The following CHRM2 variants were observed in gnomAD, a reference collection of about 807,000 sequenced individuals.
CHRM2 encodes the protein cholinergic receptor muscarinic 2, also known as muscarinic acetylcholine receptor M2.
In CHRM2, 8 loss-of-function variants were observed where a neutral mutation model predicts 25.0. The ratio of observed to expected loss-of-function variants is 0.32; its 90% confidence interval spans 0.19 to 0.58. CHRM2 has a LOEUF of 0.58. Among genes scored for constraint, CHRM2 ranks in the 20% least tolerant of loss-of-function variants. CHRM2 has a pLI of 0.88. For missense variants in CHRM2, 440 were observed against 567.1 expected, an observed-to-expected ratio of 0.78 and a Z score of 2.28; for synonymous variants, 202 against 205.7, an observed-to-expected ratio of 0.98 and a Z score of 0.15.
At chr7:136,964,494 T>C (rs1244384624) in intron 2 of CHRM2, among the ~76,000 whole-genome samples, 1 of 152,196 alleles carries the variant, frequency 6.6e-6, no homozygotes, top group East Asian at 1.9e-4. Flanking sequence ...ATTTCTCAAT[T>C]GCCTGCCTGC....
At chr7:136,916,423 C>A (rs1023796539) in intron 2 of CHRM2, among the ~76,000 whole-genome samples, 2 of 151,722 alleles carry the variant, frequency 1.3e-5, no homozygotes, top group East Asian at 1.9e-4. Flanking sequence ...TAAAGAATAT[C>A]ATTTTATCTA....
intron 2 of CHRM2, among the ~76,000 whole-genome samples, chr7:136,927,418 G>A (rs186917328): frequency 6.6e-6 from 1 of 152,062 alleles, no homozygotes; most frequent in South Asian, 2.1e-4. Context: ...GGGTGTGTGT[G>A]TGTATGTGTG....
At chr7:136,990,481 T>C (rs1803149898) in intron 2 of CHRM2, among the ~76,000 whole-genome samples, 1 of 152,168 alleles carries the variant, frequency 6.6e-6, no homozygotes, top group South Asian at 2.1e-4. Context: ...TATGCGGTCT[T>C]TTCATATTGC....
At chr7:136,894,479 C>T (rs1354781632) in intron 2 of CHRM2, among the ~76,000 whole-genome samples, 3 of 152,066 alleles carry the variant, frequency 2.0e-5, no homozygotes, top group African/African-American at 7.2e-5. Context: ...TCAAGCAATT[C>T]TCCTGCCTCA....
intron 2 of CHRM2, among the ~76,000 whole-genome samples, chr7:136,885,195 C>T (rs1263179063): frequency 2.6e-5 from 4 of 152,114 alleles, no homozygotes; most frequent in Non-Finnish European, 5.9e-5. Flanking sequence ...GTTTATCATC[C>T]CTCCTTAGCA....
At chr7:136,887,094 C>CT (rs1019039869) in intron 2 of CHRM2, among the ~76,000 whole-genome samples, 2 of 152,066 alleles carry the variant, frequency 1.3e-5, no homozygotes, top group Non-Finnish European at 2.9e-5. Flanking sequence ...TGTATTCAGG[C>CT]TTTTTATGAG....
At chr7:136,880,826 T>C (rs984033875) in intron 2 of CHRM2, among the ~76,000 whole-genome samples, 11 of 151,930 alleles carry the variant, frequency 7.2e-5, no homozygotes, top group African/African-American at 2.4e-4. Context: ...TACATTAGGG[T>C]TCCTGCTTGG....
chr7:136,997,563 T>C (rs566408902), intron 3 of CHRM2, among the ~76,000 whole-genome samples: 5 of 152,300 alleles, frequency 3.3e-5, no homozygotes, highest in Non-Finnish European at 7.4e-5. Context: ...ATCAATCTCA[T>C]GTGTTTTTTA....
chr7:136,887,286 C>T (rs1443230151), intron 2 of CHRM2, among the ~76,000 whole-genome samples: 1 of 151,918 alleles, frequency 6.6e-6, no homozygotes, highest in Non-Finnish European at 1.5e-5. Context: ...CTTAAAAAAC[C>T]TTTACAATTT....
At chr7:137,006,181 A>C (rs1423890720) in intron 3 of CHRM2, among the ~76,000 whole-genome samples, 1 of 152,134 alleles carries the variant, frequency 6.6e-6, no homozygotes, top group Admixed American at 6.6e-5. Context: ...GTCCTCTCTC[A>C]GATGGAATTT....
intron 2 of CHRM2, among the ~76,000 whole-genome samples, chr7:136,991,871 T>G (rs1327312057): frequency 6.6e-6 from 1 of 152,188 alleles, no homozygotes; most frequent in African/African-American, 2.4e-5. Context: ...CAATACTTAC[T>G]ATTATCACAC....
At chr7:136,924,065 G>T (rs1218648584) in intron 2 of CHRM2, among the ~76,000 whole-genome samples, 2 of 151,942 alleles carry the variant, frequency 1.3e-5, no homozygotes, top group African/African-American at 4.8e-5. Flanking sequence ...GAGATAAACT[G>T]CACTTTTAAA....
chr7:136,989,884 A>C (rs990794848), intron 2 of CHRM2, among the ~76,000 whole-genome samples: 34 of 152,216 alleles, frequency 2.2e-4, no homozygotes, highest in African/African-American at 8.2e-4. Context: ...GAGTTTCTTA[A>C]GCAGAGCGCA....
chr7:136,889,971 A>G (rs1039773746), intron 2 of CHRM2, among the ~76,000 whole-genome samples: 5 of 152,170 alleles, frequency 3.3e-5, no homozygotes, highest in African/African-American at 1.2e-4. Flanking sequence ...GGAGGAATAG[A>G]CTTCTCCCTG....
At chr7:136,962,741 G>A (rs983646043) in intron 2 of CHRM2, among the ~76,000 whole-genome samples, 13 of 152,104 alleles carry the variant, frequency 8.5e-5, no homozygotes, top group African/African-American at 2.7e-4. Flanking sequence ...AAGCAACAGC[G>A]TCCTTGTTAA....
rs956032747 is a variant in CHRM2 at position 137,006,570 on chromosome 7, T to C, written c.-46-8250T>C. Among the ~76,000 whole-genome samples, 6 of 152,220 alleles carry C rather than the reference T, an allele frequency of 3.9e-5. No homozygotes were observed. In the East Asian group the frequency reaches 1.2e-3, roughly 29 times the overall value. On this transcript the variant is annotated intron_variant, in intron 3 of 3. Coordinates refer to ENST00000680005, the MANE Select transcript of CHRM2 (RefSeq NM_001006630.2). ...ATCTTTTTTACATTGGAAAAAGTCATGAATTCTCTTCTATTTGTACTGATG... is the reference window on the plus strand; with the variant it reads ...ATCTTTTTTACATTGGAAAAAGTCACGAATTCTCTTCTATTTGTACTGATG...
At chr7:136,909,767 A>C (rs570911768) in intron 2 of CHRM2, among the ~76,000 whole-genome samples, 1 of 152,096 alleles carries the variant, frequency 6.6e-6, no homozygotes, top group African/African-American at 2.4e-5. Flanking sequence ...ATTTACATGT[A>C]CATGTATACT....
chr7:137,006,792 T>C (rs1563122380), intron 3 of CHRM2, among the ~76,000 whole-genome samples: 1 of 152,016 alleles, frequency 6.6e-6, no homozygotes, highest in Non-Finnish European at 1.5e-5. Flanking sequence ...GCATATCTGG[T>C]AAAATCTGCC....
intron 2 of CHRM2, chr7:136,903,424 T>G (rs1797348522): frequency 3.4e-6 from 1 of 292,484 alleles, no homozygotes; most frequent in Non-Finnish European, 6.8e-6. Context: ...CAAGTATTTG[T>G]TATTTTTGTG....
Sources: allele counts gnomAD v4.1 joint callset (sites outside exome capture counted in the v4.1 genomes callset), GRCh38; gene constraint gnomAD v4.1.1; transcripts MANE v1.5; gene names NCBI Gene and HGNC (gene_info 2026-07-23, HGNC 2026-07-21).